The following TUBGCP3 variants were observed in gnomAD, a reference collection of about 807,000 sequenced individuals.
The protein encoded by TUBGCP3 is tubulin gamma complex component 3, also known as gamma-tubulin complex component 3.
In TUBGCP3, 50 loss-of-function variants were observed where a neutral mutation model predicts 123.1. The observed-to-expected ratio is 0.41, with a 90% CI of 0.32 to 0.51. The LOEUF (loss-of-function observed/expected upper bound fraction) is 0.51, where lower values mean the gene tolerates loss of function less well. TUBGCP3 is among the 20% of genes least tolerant of loss of function. TUBGCP3 has a pLI of 0.36. For missense variants in TUBGCP3, 882 were observed against 1,127.0 expected (o/e 0.78, Z 3.11); for synonymous variants, 405 against 413.9 (o/e 0.98, Z 0.26).
chr13:112,563,046 C>A (rs189307230), intron 3 of TUBGCP3, among the ~76,000 whole-genome samples: 1 of 152,272 alleles, frequency 6.6e-6, no homozygotes, highest in African/African-American at 2.4e-5. Flanking sequence ...AGTTCTACTC[C>A]CCTCATAAGC....
chr13:112,523,787 C>T (rs760046353), intron 13 of TUBGCP3, among the ~76,000 whole-genome samples: 2 of 152,218 alleles, frequency 1.3e-5, no homozygotes, highest in Non-Finnish European at 2.9e-5. Context: ...ATCTCTCGTG[C>T]TCAGTTTTTA....
chr13:112,575,512 A>G (rs890633302), intron 1 of TUBGCP3, among the ~76,000 whole-genome samples: 1 of 152,224 alleles, frequency 6.6e-6, no homozygotes, highest in Admixed American at 6.5e-5. Context: ...ACATCTGGAG[A>G]CATCAAGGGG....
At position 112,547,666 on chromosome 13, in the gene TUBGCP3, G is replaced by A. The variant is rs1329381348; in HGVS notation, c.1122C>T (p.Pro374=). ...LRRLLVWTYD[P]KIRLKTLAAL... The stretch of plus-strand genomic sequence containing the variant: ...CCGCAAGGGTCTTCAGTCGTATTTT[G>A]GGATCATAGGTCCAAACCAGGAGGC... Residue 374 remains proline (P), a synonymous_variant, in exon 10 of 22, where the codon CCC becomes CCT. Transcript: ENST00000261965. 2 of 1,584,746 alleles carry A rather than the reference G, an allele frequency of 1.3e-6. No individual in the cohort carries two copies. The highest frequency in any genetic ancestry group is 1.7e-6 in the Non-Finnish European group (2 of 1,162,782).
chr13:112,548,906 C>A (rs1280305479), intron 8 of TUBGCP3, among the ~76,000 whole-genome samples: 1 of 152,164 alleles, frequency 6.6e-6, no homozygotes, highest in Admixed American at 6.5e-5. Flanking sequence ...ACTAGTTCAA[C>A]CATTGTGGAA....
chr13:112,505,664 G>A (rs533804667), intron 17 of TUBGCP3, among the ~76,000 whole-genome samples: 12 of 152,322 alleles, frequency 7.9e-5, no homozygotes, highest in African/African-American at 1.2e-4. Context: ...TGACAGCTTC[G>A]TCAGTAAAGA....
intron 1 of TUBGCP3, among the ~76,000 whole-genome samples, chr13:112,577,586 G>C (rs1391224979): frequency 1.3e-5 from 2 of 152,156 alleles, no homozygotes; most frequent in Non-Finnish European, 2.9e-5. Flanking sequence ...CGAGTGCTAA[G>C]TGAGGAAATC....
In TUBGCP3 at chr13:112,569,233, C is replaced by A. The variant is rs760163258; in HGVS notation, c.103G>T (p.Ala35Ser). Residue 35 changes from alanine to serine, a missense_variant, in exon 2 of 22, where the codon GCT becomes TCT. Transcript: ENST00000261965. ...AAGTTGCTGCCAATCACCCGCACAG[C>A]ATACTGGAACTGCTGGGCTACATCA... The part of the protein sequence containing the change: ...EADVAQQFQY[A>S]VRVIGSNFAP... 1 of 1,614,136 alleles carries A rather than the reference C, an allele frequency of 6.2e-7. No individual in the cohort carries two copies. Among genetic ancestry groups the A allele is most frequent in the Non-Finnish European group, 8.5e-7 (1 of 1,180,024 alleles).
At chr13:112,569,713 T>C (rs994178321) in intron 1 of TUBGCP3, among the ~76,000 whole-genome samples, 2 of 152,190 alleles carry the variant, frequency 1.3e-5, no homozygotes, top group African/African-American at 2.4e-5. Flanking sequence ...CTTAAACGCA[T>C]GTGCCTCTAC....
At chr13:112,510,104 C>T (rs996700490) in intron 17 of TUBGCP3, among the ~76,000 whole-genome samples, 2 of 151,924 alleles carry the variant, frequency 1.3e-5, no homozygotes, top group Non-Finnish European at 2.9e-5. Context: ...ACTGGACGGC[C>T]GATACACAAA....
chr13:112,586,297 A>G (rs1241450102), intron 1 of TUBGCP3, among the ~76,000 whole-genome samples: 1 of 152,200 alleles, frequency 6.6e-6, no homozygotes, highest in African/African-American at 2.4e-5. Flanking sequence ...TGATGAATGA[A>G]TTTCAAAATC....
At chr13:112,518,619 T>C (rs1304450691) in intron 16 of TUBGCP3, among the ~76,000 whole-genome samples, 2 of 152,208 alleles carry the variant, frequency 1.3e-5, no homozygotes, top group Non-Finnish European at 2.9e-5. Context: ...GTAGTAAAAA[T>C]ATGATTCCCC....
intron 1 of TUBGCP3, among the ~76,000 whole-genome samples, chr13:112,574,672 T>C (rs1344352502): frequency 6.6e-6 from 1 of 152,284 alleles, no homozygotes. Context: ...CCACTACTGA[T>C]GACAATGTAA....
chr13:112,537,871 G>A lies in TUBGCP3; in HGVS notation c.1335+7828C>T, dbSNP rs913561712. Among the ~76,000 whole-genome samples, 6 of 152,232 alleles carry A rather than the reference G, an allele frequency of 3.9e-5. No homozygotes were observed. The South Asian group carries it at 6.2e-4, about 16-fold the overall frequency. ...CTTTGTGAATCAATTTTGGTAGTCC[G>A]TATGCTTCTAGGAACTCTCTCAAGT... On this transcript the variant is annotated intron_variant, in intron 11 of 21. Transcript: ENST00000261965.
At chr13:112,543,069 G>A (rs1878660015) in intron 11 of TUBGCP3, among the ~76,000 whole-genome samples, 1 of 152,198 alleles carries the variant, frequency 6.6e-6, no homozygotes, top group African/African-American at 2.4e-5. Flanking sequence ...AGAACTGCTT[G>A]AACCCCAGAG....
intron 11 of TUBGCP3, among the ~76,000 whole-genome samples, chr13:112,530,152 T>C (rs1164347081): frequency 6.6e-6 from 1 of 152,192 alleles, no homozygotes. Flanking sequence ...CACTAGCACA[T>C]GTGATTAGAA....
At chr13:112,598,870 T>C in the TUBGCP3 span, among the ~76,000 whole-genome samples, 3 of 148,674 alleles carry the variant, frequency 2.0e-5, no homozygotes, top group East Asian at 6.0e-4. Context: ...CGCTTGAACC[T>C]GGAAGTTGGA....
At chr13:112,591,563 G>A (rs189238952), upstream of TUBGCP3, among the ~76,000 whole-genome samples, 277 of 152,192 alleles carry the variant, frequency 1.8e-3, 4 homozygotes, top group Admixed American at 0.016. Context: ...GACAACACTC[G>A]TTAGGTGTGT....
At chr13:112,553,991 T>C (rs1322684848) in intron 8 of TUBGCP3, 66 bp downstream of exon 8, 1 of 1,568,082 alleles carries the variant, frequency 6.4e-7, no homozygotes, top group East Asian at 2.2e-5. Flanking sequence ...CACAGTAAGA[T>C]TTCAACTAGA....
At chr13:112,560,369 G>T (rs573541669) in intron 3 of TUBGCP3, among the ~76,000 whole-genome samples, 1 of 150,976 alleles carries the variant, frequency 6.6e-6, no homozygotes, top group Non-Finnish European at 1.5e-5. Context: ...GGCGGAGCTT[G>T]CAGTGAGCCG....
Sources: allele counts gnomAD v4.1 joint callset (sites outside exome capture counted in the v4.1 genomes callset), GRCh38; gene constraint gnomAD v4.1.1; transcripts MANE v1.5; gene names NCBI Gene and HGNC (gene_info 2026-07-23, HGNC 2026-07-21).